The following SLC4A8 variants were observed in gnomAD, a reference collection of about 807,000 sequenced individuals.
SLC4A8 encodes the protein solute carrier family 4 member 8, also known as electroneutral sodium bicarbonate exchanger 1.
SLC4A8 carries 40 observed loss-of-function variants against 125.0 expected under a neutral mutation model. The ratio of observed to expected loss-of-function variants is 0.32; its 90% confidence interval spans 0.25 to 0.42. The LOEUF (loss-of-function observed/expected upper bound fraction) is 0.42. Ranked by LOEUF, SLC4A8 falls within the 10% of genes least tolerant of loss-of-function variation. The pLI is 1.00. For missense variants in SLC4A8, 863 were observed against 1,355.1 expected (o/e 0.64, Z 5.70); for synonymous variants, 456 against 476.0 (o/e 0.96, Z 0.55).
At position 51,489,878 on chromosome 12, in the gene SLC4A8, G is replaced by A. The variant is rs775853298; in HGVS notation, c.2627G>A (p.Arg876Gln). Reference protein sequence around the residue: ...PGEQPKFLGIREQRVTGLMIF... With the variant: ...PGEQPKFLGIQEQRVTGLMIF... Reference sequence around the variant, plus strand: ...GAACAGCCCAAGTTCCTGGGCATCCGAGAACAGAGAGTGACAGGCCTTATG... The same window carrying A: ...GAACAGCCCAAGTTCCTGGGCATCCAAGAACAGAGAGTGACAGGCCTTATG... Residue 876 changes from arginine to glutamine, a missense_variant, in exon 19 of 25, where the codon CGA becomes CAA. Physicochemically the swap from Arg to Gln is conservative, Grantham distance 43. This residue lies in a region of SLC4A8 where 197 missense variants were observed against 377.7 expected (regional missense o/e 0.52). Coordinates refer to ENST00000453097, the MANE Select transcript of SLC4A8 (RefSeq NM_001039960.3). 13 of 1,614,192 alleles carry A rather than the reference G, an allele frequency of 8.1e-6. 1 individual carries two copies. Among genetic ancestry groups the A allele is most frequent in the South Asian group, 5.5e-5 (5 of 91,078 alleles).
In SLC4A8 at chr12:51,507,373, G is replaced by C. The variant is rs911218749; in HGVS notation, c.3270-53G>C. On this transcript the variant is annotated intron_variant, in intron 24 of 24. Transcript: ENST00000453097. ...ACATCTTCAAAGTATTGTGTTAAAA[G>C]GAGGAATGAATCATATGTTCCCTTT... The C allele has an allele frequency of 2.5e-6, 3 of 1,211,424 alleles. No homozygotes were observed. In the Admixed American group the frequency reaches 8.9e-5, roughly 36 times the overall value. 75.0% of individuals were successfully genotyped at this position (1,211,424 alleles called of 1,614,324 possible).
intron 3 of SLC4A8, among the ~76,000 whole-genome samples, chr12:51,451,602 CAT>C (rs761549989): frequency 6.6e-6 from 1 of 151,842 alleles, no homozygotes; most frequent in Non-Finnish European, 1.5e-5. Context: ...TTTTGATTCA[CAT>C]AGAGTTAAAT....
intron 13 of SLC4A8, 81 bp from the exon 14 acceptor site, chr12:51,471,201 GATGAA>G: frequency 7.7e-7 from 1 of 1,305,632 alleles, no homozygotes; most frequent in South Asian, 1.4e-5. Context: ...TGCTTGTTTA[GATGAA>G]ATGAATTAAC....
intron 16 of SLC4A8, 50 bp from the exon 17 acceptor site, chr12:51,485,737 C>A (rs772996851): frequency 4.0e-6 from 4 of 987,960 alleles, no homozygotes; most frequent in Non-Finnish European, 4.8e-6. Context: ...AACCTCTTTT[C>A]TACTGTATTT....
intron 16 of SLC4A8, chr12:51,480,389 T>C (rs1328105655): frequency 8.8e-7 from 1 of 1,139,456 alleles, no homozygotes; most frequent in Admixed American, 4.8e-5. Context: ...TTTACACATG[T>C]GTGCAGGCAA....
chr12:51,474,328 A>ATT lies in SLC4A8; in HGVS notation c.1905-10_1905-9dup. ...GCTGTTTTCCTCAGGAATCTTTTTA[A>ATT]TTTTTCCCCTCAGCTGCAGGTGTAC... On this transcript the variant is annotated splice_polypyrimidine_tract_variant and intron_variant, in intron 14 of 24. Coordinates refer to ENST00000453097, the MANE Select transcript of SLC4A8 (RefSeq NM_001039960.3). The ATT allele has an allele frequency of 6.6e-7, 1 of 1,524,536 alleles. No homozygotes were observed. Among genetic ancestry groups the ATT allele is most frequent in the Non-Finnish European group, 9.0e-7 (1 of 1,108,410 alleles). The allele number at this position is 1,524,536 out of a possible 1,614,324, so 94.4% of individuals were successfully genotyped here. A position where few individuals can be genotyped will look rare whatever the true frequency, so the allele number is the denominator to read the frequency against.
chr12:51,434,520 A>G (rs1292688594), intron 1 of SLC4A8, among the ~76,000 whole-genome samples: 1 of 152,232 alleles, frequency 6.6e-6, no homozygotes, highest in African/African-American at 2.4e-5. Flanking sequence ...TGGCAAGACA[A>G]AGAAAATGGA....
At chr12:51,443,997 C>T (rs960953518) in intron 2 of SLC4A8, among the ~76,000 whole-genome samples, 9 of 152,200 alleles carry the variant, frequency 5.9e-5, no homozygotes, top group African/African-American at 2.2e-4. Context: ...AAAATTACAT[C>T]TTTCCCATAA....
At chr12:51,398,070 T>C (rs1447386679) in intron 1 of SLC4A8, among the ~76,000 whole-genome samples, 1 of 152,168 alleles carries the variant, frequency 6.6e-6, no homozygotes, top group Non-Finnish European at 1.5e-5. Context: ...CACTGCGTTC[T>C]GCTCGAGTAT....
chr12:51,393,472 C>T (rs1047669395), intron 1 of SLC4A8, among the ~76,000 whole-genome samples: 4 of 152,120 alleles, frequency 2.6e-5, no homozygotes, highest in Admixed American at 6.5e-5. Context: ...AGTTCTGACA[C>T]GCACTGGGAA....
chr12:51,393,728 C>T lies in SLC4A8; in HGVS notation c.-112+2240C>T, dbSNP rs983369575. On this transcript the variant is annotated intron_variant, in intron 1 of 24. Transcript: ENST00000358657. ...ATCTGCTCACTCTTGGCATGATGCC[C>T]GACTCCCCTAACTCTAAGCAGCCTT... Among the ~76,000 whole-genome samples, 10 of 152,240 alleles carry T rather than the reference C, an allele frequency of 6.6e-5. No individual in the cohort carries two copies. In the East Asian group the frequency reaches 7.7e-4, roughly 12 times the overall value.
chr12:51,420,992 T>A (rs1180140906), upstream of SLC4A8, among the ~76,000 whole-genome samples: 2 of 152,162 alleles, frequency 1.3e-5, no homozygotes, highest in African/African-American at 4.8e-5. Flanking sequence ...CCATGTAGCA[T>A]GCCTCTCTGC....
chr12:51,443,981 T>C (rs1178290424), intron 2 of SLC4A8, among the ~76,000 whole-genome samples: 2 of 152,240 alleles, frequency 1.3e-5, no homozygotes, highest in Admixed American at 6.5e-5. Context: ...TTTTAAACTA[T>C]AGACTAAAAT....
chr12:51,406,075 A>T (rs1948480939), intron 1 of SLC4A8, among the ~76,000 whole-genome samples: 1 of 152,236 alleles, frequency 6.6e-6, no homozygotes, highest in African/African-American at 2.4e-5. Context: ...TTTCCTTGAG[A>T]GTATCCCAAC....
chr12:51,448,511 G>T (rs1167430855), intron 2 of SLC4A8, among the ~76,000 whole-genome samples: 1 of 152,158 alleles, frequency 6.6e-6, no homozygotes, highest in Non-Finnish European at 1.5e-5. Context: ...AAACAGAAGA[G>T]TGTTTAGCAC....
chr12:51,426,095 A>T (rs948185213), intron 1 of SLC4A8, among the ~76,000 whole-genome samples: 3 of 152,132 alleles, frequency 2.0e-5, no homozygotes, highest in Admixed American at 6.5e-5. Flanking sequence ...CGTCTTGGAA[A>T]CAAGTGCCAT....
At chr12:51,439,487 G>C (rs964830726) in intron 1 of SLC4A8, among the ~76,000 whole-genome samples, 6 of 152,062 alleles carry the variant, frequency 3.9e-5, no homozygotes, top group Admixed American at 2.0e-4. Flanking sequence ...TGAGATCAAA[G>C]AGATCATCAT....
chr12:51,504,152 T>C (rs1938063684), intron 23 of SLC4A8, 32 bp downstream of exon 23: 2 of 1,316,382 alleles, frequency 1.5e-6, no homozygotes, highest in Non-Finnish European at 2.1e-6. Flanking sequence ...GAGTTTACTT[T>C]TGGGTTATTC....
intron 2 of SLC4A8, among the ~76,000 whole-genome samples, chr12:51,450,181 A>C (rs1404646539): frequency 2.6e-5 from 4 of 152,186 alleles, no homozygotes; most frequent in Non-Finnish European, 5.9e-5. Context: ...AGTCTCTTTT[A>C]GTACTGTTCT....
Sources: allele counts gnomAD v4.1 joint callset (sites outside exome capture counted in the v4.1 genomes callset), GRCh38; gene constraint gnomAD v4.1.1; regional missense constraint gnomAD v4.1.1; transcripts MANE v1.5; gene names NCBI Gene and HGNC (gene_info 2026-07-23, HGNC 2026-07-21).